The following HHAT variants were observed in gnomAD, a reference collection of about 807,000 sequenced individuals.
The protein encoded by HHAT is protein-cysteine N-palmitoyltransferase HHAT.
In HHAT, 47 loss-of-function variants were observed where a neutral mutation model predicts 70.8. The observed-to-expected ratio is 0.66, with a 90% CI of 0.53 to 0.85. The LOEUF (loss-of-function observed/expected upper bound fraction) is 0.85, where lower values mean the gene tolerates loss of function less well. HHAT is among the 40% of genes least tolerant of loss of function. The pLI is 0.00. For synonymous variants in HHAT, 228 were observed against 247.6 expected, an observed-to-expected ratio of 0.92 and a Z score of 0.74; for missense variants, 609 against 604.8, an observed-to-expected ratio of 1.01 and a Z score of -0.07.
chr1:210,558,191 A>G (rs138707016), intron 9 of HHAT, among the ~76,000 whole-genome samples: 1,663 of 152,322 alleles, frequency 0.011, 24 homozygotes, highest in African/African-American at 0.037. Context: ...CTGCCAGAAG[A>G]TACCCAGCAA....
chr1:210,378,261 C>T (rs1156894523), intron 3 of HHAT, among the ~76,000 whole-genome samples: 1 of 152,078 alleles, frequency 6.6e-6, no homozygotes, highest in Non-Finnish European at 1.5e-5. Flanking sequence ...ATTTCAAGAA[C>T]CTTATAAAGG....
At chr1:210,655,299 G>A (rs1574034999) in intron 11 of HHAT, among the ~76,000 whole-genome samples, 1 of 152,172 alleles carries the variant, frequency 6.6e-6, no homozygotes, top group East Asian at 1.9e-4. Context: ...AGTGATTGTC[G>A]CAATCACTGA....
chr1:210,346,404 A>C (rs1321814704), intron 1 of HHAT, among the ~76,000 whole-genome samples: 1 of 152,224 alleles, frequency 6.6e-6, no homozygotes, highest in African/African-American at 2.4e-5. Flanking sequence ...AGACTACCAA[A>C]TTCCTGAAAA....
At chr1:210,653,502 C>T (rs1405758834) in intron 11 of HHAT, among the ~76,000 whole-genome samples, 2 of 150,186 alleles carry the variant, frequency 1.3e-5, no homozygotes, top group Non-Finnish European at 3.0e-5. Flanking sequence ...TGCATTCCAG[C>T]CTGGGTGACA....
chr1:210,440,499 C>G (rs2093480869), intron 7 of HHAT, among the ~76,000 whole-genome samples: 2 of 151,772 alleles, frequency 1.3e-5, no homozygotes, highest in Non-Finnish European at 2.9e-5. Context: ...TGAGTGGACG[C>G]AATCCCCAGT....
At chr1:210,501,279 A>G (rs1281211487) in intron 8 of HHAT, among the ~76,000 whole-genome samples, 3 of 152,160 alleles carry the variant, frequency 2.0e-5, no homozygotes, top group Admixed American at 6.5e-5. Context: ...TGTTGCCCCA[A>G]CCTCTGCCCT....
intron 2 of HHAT, among the ~76,000 whole-genome samples, chr1:210,353,458 AAAAAG>A (rs1479956083): frequency 1.4e-5 from 1 of 69,058 alleles, no homozygotes; most frequent in African/African-American, 3.7e-5. Context: ...TTTTTTTAAA[AAAAAG>A]CACCTGGGAG....
intron 9 of HHAT, among the ~76,000 whole-genome samples, chr1:210,580,708 C>A (rs1425618882): frequency 1.3e-5 from 2 of 152,072 alleles, no homozygotes; most frequent in African/African-American, 4.8e-5. Flanking sequence ...CACACATTTT[C>A]TTCATCCAGT....
intron 9 of HHAT, among the ~76,000 whole-genome samples, chr1:210,586,055 G>C (rs1007825244): frequency 6.6e-6 from 1 of 152,176 alleles, no homozygotes; most frequent in Non-Finnish European, 1.5e-5. Context: ...GTCAAGGAGA[G>C]AGTCTTTGTC....
rs1388280953 is a variant in HHAT, at chr1:210,414,658, TCTAAC to T, written c.685-3495_685-3491del. On this transcript the variant is annotated intron_variant, in intron 6 of 11. Transcript: ENST00000261458. The stretch of plus-strand genomic sequence containing the variant: ...GAGGGGTCTTGAGTACATTTGCCTC[TCTAAC>T]AGAGAGGGCCCAAATATTCACAACA... 1.0e-3 allele frequency among the ~76,000 whole-genome samples: 152 copies of T among 152,298 alleles called. 2 individuals are homozygous for T. The highest frequency in any genetic ancestry group is 8.9e-3 in the East Asian group (46 of 5,182).
chr1:210,438,170 G>A (rs984124067), intron 7 of HHAT, among the ~76,000 whole-genome samples: 65 of 136,282 alleles, frequency 4.8e-4, no homozygotes, highest in Non-Finnish European at 7.8e-4. Flanking sequence ...AGGATTCTCC[G>A]TGTTTGTGTG....
At chr1:210,543,926 C>T (rs2095456478) in intron 9 of HHAT, among the ~76,000 whole-genome samples, 1 of 152,184 alleles carries the variant, frequency 6.6e-6, no homozygotes, top group Non-Finnish European at 1.5e-5. Flanking sequence ...ACTGTCTCCA[C>T]CTTCCACATA....
chr1:210,357,706 G>A (rs2148005755), intron 2 of HHAT, among the ~76,000 whole-genome samples: 1 of 152,328 alleles, frequency 6.6e-6, no homozygotes, highest in South Asian at 2.1e-4. Context: ...TGTAGTCCCA[G>A]CTACTTGGGA....
intron 3 of HHAT, among the ~76,000 whole-genome samples, chr1:210,380,519 G>A (rs932658550): frequency 1.3e-5 from 2 of 152,012 alleles, no homozygotes; most frequent in East Asian, 1.9e-4. Flanking sequence ...CAGCCTGGGC[G>A]ACAGAGCAAG....
intron 8 of HHAT, among the ~76,000 whole-genome samples, chr1:210,472,896 T>G (rs1289733282): frequency 6.6e-6 from 1 of 152,190 alleles, no homozygotes; most frequent in African/African-American, 2.4e-5. Flanking sequence ...AGTTATTATC[T>G]AAAGACCTAG....
At chr1:210,395,543 C>A (rs1019983801) in intron 4 of HHAT, among the ~76,000 whole-genome samples, 4 of 152,160 alleles carry the variant, frequency 2.6e-5, no homozygotes, top group African/African-American at 9.7e-5. Flanking sequence ...TGGATTGGTA[C>A]CTGTGCCCCA....
In HHAT at chr1:210,329,015, C is replaced by T. The variant is rs751470031; in HGVS notation, c.-133C>T. On this transcript the variant is annotated 5_prime_UTR_variant, in exon 1 of 12. Transcript: ENST00000261458. ...GGAAGCCCGCAGCCGCCGCCGATGT[C>T]GCTGGGACTCGGAAGTGCCGAAAGA... 32 of 1,396,296 alleles carry T rather than the reference C, an allele frequency of 2.3e-5. 1 individual carries two copies. In the Admixed American group the frequency reaches 6.4e-4, roughly 28 times the overall value. 86.5% of individuals were successfully genotyped at this position (1,396,296 alleles called of 1,614,324 possible). A position where few individuals can be genotyped will look rare whatever the true frequency, so the allele number is the denominator to read the frequency against.
intron 11 of HHAT, among the ~76,000 whole-genome samples, chr1:210,628,186 AG>A (rs569310426): frequency 7.9e-5 from 12 of 152,164 alleles, no homozygotes; most frequent in African/African-American, 2.6e-4. Context: ...AAAGTATTCA[AG>A]GGGGGGTGTT....
intron 11 of HHAT, among the ~76,000 whole-genome samples, chr1:210,652,691 A>T (rs1186603688): frequency 1.4e-5 from 2 of 143,066 alleles, no homozygotes; most frequent in Admixed American, 7.0e-5. Context: ...AAAAGGCAGC[A>T]GCCTGTAAGA....
Sources: allele counts gnomAD v4.1 joint callset (sites outside exome capture counted in the v4.1 genomes callset), GRCh38; gene constraint gnomAD v4.1.1; transcripts MANE v1.5; gene names NCBI Gene and HGNC (gene_info 2026-07-23, HGNC 2026-07-21).